The following ANKRD44 variants were observed in gnomAD, a reference collection of about 807,000 sequenced individuals.
ANKRD44 encodes ankyrin repeat domain 44.
Under a neutral mutation model 116.0 loss-of-function variants are expected in ANKRD44, and 35 were observed. That is an observed-to-expected ratio of 0.30 (90% confidence interval 0.23 to 0.40). The LOEUF (loss-of-function observed/expected upper bound fraction) is 0.40, where lower values mean the gene tolerates loss of function less well. ANKRD44 is among the 10% of genes least tolerant of loss of function. ANKRD44 has a pLI of 1.00. For missense variants in ANKRD44, 1,014 were observed against 1,242.6 expected, an observed-to-expected ratio of 0.82 and a Z score of 2.77; for synonymous variants, 435 against 461.8, an observed-to-expected ratio of 0.94 and a Z score of 0.74.
At chr2:197,014,831 A>C (rs1293433550) in intron 17 of ANKRD44, among the ~76,000 whole-genome samples, 2 of 152,088 alleles carry the variant, frequency 1.3e-5, no homozygotes, top group Admixed American at 6.6e-5. Context: ...TCAAAAAACA[A>C]AACTAAAAGT....
chr2:197,184,047 A>G (rs1192746943), intron 2 of ANKRD44, among the ~76,000 whole-genome samples: 1 of 152,198 alleles, frequency 6.6e-6, no homozygotes, highest in Non-Finnish European at 1.5e-5. Context: ...TATCATGGAA[A>G]GGGTGCCATC....
intron 16 of ANKRD44, among the ~76,000 whole-genome samples, chr2:197,034,388 T>C (rs1225834485): frequency 6.6e-6 from 1 of 151,436 alleles, no homozygotes; most frequent in Non-Finnish European, 1.5e-5. Flanking sequence ...ATCTTCATGG[T>C]TACCGACATT....
At chr2:197,149,342 C>T (rs1190487029) in intron 2 of ANKRD44, among the ~76,000 whole-genome samples, 1 of 152,182 alleles carries the variant, frequency 6.6e-6, no homozygotes, top group Non-Finnish European at 1.5e-5. Flanking sequence ...CCCTACCTTG[C>T]AAATCTGGTT....
intron 8 of ANKRD44, among the ~76,000 whole-genome samples, chr2:197,119,983 C>T (rs753198459): frequency 6.6e-5 from 10 of 152,296 alleles, no homozygotes; most frequent in Admixed American, 2.6e-4. Flanking sequence ...GCTGTTCTAT[C>T]TGGAACACTC....
At chr2:197,223,510 C>A (rs370133334) in intron 1 of ANKRD44, among the ~76,000 whole-genome samples, 1 of 152,206 alleles carries the variant, frequency 6.6e-6, no homozygotes, top group Admixed American at 6.5e-5. Context: ...ATATAGTATT[C>A]CATTGCACGC....
chr2:197,240,374 C>CAAAAAAA (rs5837533), intron 1 of ANKRD44, among the ~76,000 whole-genome samples: 1 of 96,636 alleles, frequency 1.0e-5, no homozygotes, highest in Non-Finnish European at 2.1e-5. Context: ...GGCTCCAGCT[C>CAAAAAAA]AAAAAAAAAA....
At chr2:196,999,224 A>G (rs2076069623) in intron 23 of ANKRD44, among the ~76,000 whole-genome samples, 172 bp from the exon 24 acceptor site, 1 of 152,168 alleles carries the variant, frequency 6.6e-6, no homozygotes, top group Non-Finnish European at 1.5e-5. Context: ...ACACTGAAAT[A>G]TCACCTATGG....
rs1482538801 is a variant in ANKRD44, at chr2:197,004,991, A to G, written c.2347+703T>C. Among the ~76,000 whole-genome samples the G allele has an allele frequency of 2.6e-5, 4 of 152,170 alleles. No homozygotes were observed. The East Asian group carries it at 5.8e-4, about 22-fold the overall frequency. ...TATCTGCAATACAATTTAAACACCA[A>G]CAAAAAATTATAGAATGGCTGCTAT... On this transcript the variant is annotated intron_variant, in intron 21 of 27. Transcript: ENST00000282272.
At chr2:197,269,800 C>CA (rs1298792764) in intron 1 of ANKRD44, among the ~76,000 whole-genome samples, 4 of 152,052 alleles carry the variant, frequency 2.6e-5, no homozygotes, top group African/African-American at 7.2e-5. Context: ...AAAATGGGTA[C>CA]AGGAGGCTTC....
chr2:197,296,009 A>C (rs2083711745), intron 1 of ANKRD44, among the ~76,000 whole-genome samples: 1 of 152,144 alleles, frequency 6.6e-6, no homozygotes, highest in African/African-American at 2.4e-5. Flanking sequence ...GCACCACTGC[A>C]CTCCAGCCTA....
chr2:197,073,960 C>T (rs894430969), intron 16 of ANKRD44, among the ~76,000 whole-genome samples: 7 of 152,012 alleles, frequency 4.6e-5, no homozygotes, highest in African/African-American at 7.2e-5. Flanking sequence ...GGTAAAGCCC[C>T]CAAAATTTTT....
chr2:197,298,451 C>A (rs1163820843), intron 1 of ANKRD44, among the ~76,000 whole-genome samples: 1 of 152,166 alleles, frequency 6.6e-6, no homozygotes, highest in African/African-American at 2.4e-5. Context: ...CCTTGGGCAG[C>A]AAAACCAGAA....
At chr2:197,015,575 G>A in intron 17 of ANKRD44, 1 of 524,236 alleles carries the variant, frequency 1.9e-6, no homozygotes, top group Non-Finnish European at 3.5e-6. Flanking sequence ...GGAAACTTTG[G>A]AGATGGAGGA....
Position 197,187,029 on chromosome 2 carries a change from AT to A in ANKRD44, c.104del (p.Asn35IlefsTer26). 1 of 1,614,090 alleles carries A rather than the reference AT, an allele frequency of 6.2e-7. No homozygotes were observed. Among genetic ancestry groups the A allele is most frequent in the Non-Finnish European group, 8.5e-7 (1 of 1,179,980 alleles). Reference protein sequence around the residue: ...RMLIHKTEDVNTLDSEKRTPL... With the variant: ...RMLIHKTEDVXTLDSEKRTPL... ...AAACCACAGTATCTCTTACCAGAGTATTCACATCTTCAGTTTTATGGATGAG... is the reference window on the plus strand; with the variant it reads ...AAACCACAGTATCTCTTACCAGAGTATCACATCTTCAGTTTTATGGATGAG... On this transcript the variant is annotated frameshift_variant, in exon 2 of 28. Coordinates refer to ENST00000282272, the MANE Select transcript of ANKRD44 (RefSeq NM_001195144.2). LOFTEE classifies it high-confidence loss of function.
At chr2:197,031,571 T>C (rs568764374) in intron 16 of ANKRD44, among the ~76,000 whole-genome samples, 103 of 152,308 alleles carry the variant, frequency 6.8e-4, no homozygotes, top group Middle Eastern at 3.4e-3. Flanking sequence ...GCTATAACCT[T>C]TCATCTAATT....
intron 1 of ANKRD44, among the ~76,000 whole-genome samples, chr2:197,227,112 T>C (rs1212089713): frequency 1.3e-5 from 2 of 152,208 alleles, no homozygotes; most frequent in Non-Finnish European, 2.9e-5. Context: ...ATATTAATGG[T>C]TTTCTTTATT....
At chr2:197,032,827 C>A (rs2076732805) in intron 16 of ANKRD44, among the ~76,000 whole-genome samples, 1 of 152,226 alleles carries the variant, frequency 6.6e-6, no homozygotes, top group Non-Finnish European at 1.5e-5. Context: ...GGAATGAACA[C>A]AGATCATTAA....
At chr2:196,978,340 C>T (rs1159912857) in intron 21 of ANKRD44, among the ~76,000 whole-genome samples, 1 of 152,192 alleles carries the variant, frequency 6.6e-6, no homozygotes, top group Non-Finnish European at 1.5e-5. Context: ...GAAGCAGCTG[C>T]CAGCACCATG....
chr2:197,273,975 AAAAAAAT>A (rs2082980709), intron 1 of ANKRD44, among the ~76,000 whole-genome samples: 1 of 54,460 alleles, frequency 1.8e-5, no homozygotes, highest in African/African-American at 6.9e-5. Context: ...AAAAAAAAAA[AAAAAAAT>A]ATATATATAT....
Sources: gnomAD v4.1 joint callset for allele counts (sites outside exome capture counted in the v4.1 genomes callset) on GRCh38, gnomAD v4.1.1 for gene constraint, MANE v1.5 for transcripts, NCBI Gene and HGNC (gene_info 2026-07-23, HGNC 2026-07-21) for gene names.